C17orf113: variants seen among roughly 807,000 people sequenced by gnomAD.
C17orf113 encodes uncharacterized protein C17orf113.
Under a neutral mutation model 11.6 loss-of-function variants are expected in C17orf113, and 5 were observed. The ratio of observed to expected loss-of-function variants is 0.43; its 90% confidence interval spans 0.23 to 0.91. C17orf113 has a LOEUF of 0.91. Ranked by LOEUF, C17orf113 falls within the 40% of genes least tolerant of loss-of-function variation. The pLI is 0.26. For missense variants in C17orf113, 714 were observed against 841.3 expected (o/e 0.85, Z 1.87); for synonymous variants, 327 against 390.6 (o/e 0.84, Z 1.92).
Position 42,040,638 on chromosome 17 carries a change from G to A in C17orf113, c.1095C>T (p.Ala365=), listed in dbSNP as rs1296713738. 31 of 1,232,218 alleles carry A rather than the reference G, an allele frequency of 2.5e-5. No homozygotes were observed. The African/African-American group carries it at 3.3e-4, about 13-fold the overall frequency. The allele number at this position is 1,232,218 out of a possible 1,614,324, so 76.3% of individuals were successfully genotyped here. A position where few individuals can be genotyped will look rare whatever the true frequency, so the allele number is the denominator to read the frequency against. ...ASLLPVVEAV[A]EAWPGLVPTL... ...TGGGCACCAGGCCAGGCCAGGCCTCGGCCACTGCTTCCACTACAGGCAGCA... is the reference window on the plus strand; with the variant it reads ...TGGGCACCAGGCCAGGCCAGGCCTCAGCCACTGCTTCCACTACAGGCAGCA... Residue 365 remains alanine, a synonymous_variant, in exon 3 of 3, where the codon GCC becomes GCT. Coordinates refer to ENST00000587304, the MANE Select transcript of C17orf113 (RefSeq NM_001358661.2).
In C17orf113 at chr17:42,043,423, T is replaced by G; in HGVS notation, c.-47A>C. 2 of 1,228,082 alleles carry G rather than the reference T, an allele frequency of 1.6e-6. No individual in the cohort carries two copies. The highest frequency in any genetic ancestry group is 2.0e-6 in the Non-Finnish European group (2 of 984,730). 76.1% of individuals were successfully genotyped at this position (1,228,082 alleles called of 1,614,324 possible). Reference sequence around the variant, plus strand: ...CCCCCAACCCCCACCTGAATGCTCTTGCCCCCCTGCCTCCCCCACACACAG... The same window carrying G: ...CCCCCAACCCCCACCTGAATGCTCTGGCCCCCCTGCCTCCCCCACACACAG... On this transcript the variant is annotated 5_prime_UTR_variant, in exon 2 of 3. Transcript: ENST00000587304.
intron 1 of C17orf113, among the ~76,000 whole-genome samples, chr17:42,044,082 G>T (rs2053089985): frequency 6.8e-6 from 1 of 147,400 alleles, no homozygotes; most frequent in South Asian, 2.1e-4. Context: ...TTGGGAGGTG[G>T]CTCACTTAAG....
At chr17:42,044,010 A>G (rs1555656368) in intron 1 of C17orf113, among the ~76,000 whole-genome samples, 1 of 151,854 alleles carries the variant, frequency 6.6e-6, no homozygotes, top group African/African-American at 2.4e-5. Flanking sequence ...GCCCACAGTC[A>G]TCTATTTCAT....
chr17:42,041,444 C>T (rs2053019036), intron 2 of C17orf113, among the ~76,000 whole-genome samples: 1 of 152,208 alleles, frequency 6.6e-6, no homozygotes, highest in Admixed American at 6.5e-5. Context: ...CCCACCACAC[C>T]CGGTCTAGTT....
chr17:42,047,270 G>A (rs147776326), intron 1 of C17orf113, among the ~76,000 whole-genome samples: 1,835 of 152,228 alleles, frequency 0.012, 13 homozygotes, highest in Non-Finnish European at 0.02. Context: ...CTGACCTCGT[G>A]ATCCGCCCGC....
intron 1 of C17orf113, among the ~76,000 whole-genome samples, chr17:42,043,974 A>G (rs1555656366): frequency 6.6e-6 from 1 of 151,900 alleles, no homozygotes; most frequent in African/African-American, 2.4e-5. Flanking sequence ...CTCAACTCCT[A>G]GCCCAAAAGA....
In C17orf113 at chr17:42,038,645, T is replaced by A. The variant is rs183423689; in HGVS notation, c.*1060A>T. 2.0e-5 allele frequency: 3 copies of A among 152,560 alleles called. No homozygotes were observed. 9.5% of individuals were successfully genotyped at this position (152,560 alleles called of 1,614,324 possible). A position where few individuals can be genotyped will look rare whatever the true frequency, so the allele number is the denominator to read the frequency against. ...AAAATCCAGCCCATCTGGGGCTTTTTTCGACCCTGTCATTGCAAAACCAAA... is the reference window on the plus strand; with the variant it reads ...AAAATCCAGCCCATCTGGGGCTTTTATCGACCCTGTCATTGCAAAACCAAA... On this transcript the variant is annotated 3_prime_UTR_variant, in exon 3 of 3. Transcript: ENST00000587304.
At position 42,043,185 on chromosome 17, in the gene C17orf113, G is replaced by C; in HGVS notation, c.192C>G (p.Phe64Leu). The part of the protein sequence containing the change: ...RNKHGKAENA[F>L]TVGTDNFQRH... ...GCTGGAAGTTGTCTGTGCCCACAGT[G>C]AAGGCGTTTTCGGCTTTGCCATGCT... The change falls in exon 2 of 3, where the codon TTC becomes TTG. Residue 64 changes from phenylalanine (F) to leucine (L), a missense_variant. By Grantham distance (22) the Phe-to-Leu change is conservative. Around this residue, in one of 3 missense-constraint regions of C17orf113, gnomAD observed 516 missense variants for 626.6 expected, o/e 0.82. Transcript: ENST00000587304. The C allele has an allele frequency of 8.1e-7, 1 of 1,232,264 alleles. No individual in the cohort carries two copies. 76.3% of individuals were successfully genotyped at this position (1,232,264 alleles called of 1,614,324 possible).
In C17orf113 at chr17:42,041,338, G is replaced by A. The variant is rs140078767; in HGVS notation, c.544-149C>T. The A allele has an allele frequency of 1.4e-3, 890 of 634,312 alleles. 2 individuals are homozygous for A. Among genetic ancestry groups the A allele is most frequent in the African/African-American group, 0.012 (630 of 53,022 alleles). The allele number at this position is 634,312 out of a possible 1,614,324, so 39.3% of individuals were successfully genotyped here. On this transcript the variant is annotated intron_variant, in intron 2 of 2. Coordinates refer to ENST00000587304, the MANE Select transcript of C17orf113 (RefSeq NM_001358661.2). ...ATCCTGGCTTTGCCACTTACTGGCT[G>A]TGCTACCTTCGGCCAGTCACTTCAC... is the stretch of plus-strand genomic sequence containing the variant.
chr17:42,047,722 C>T (rs1034084142), intron 1 of C17orf113, among the ~76,000 whole-genome samples: 2 of 150,216 alleles, frequency 1.3e-5, no homozygotes, highest in African/African-American at 4.9e-5. Flanking sequence ...GGTGTGATCT[C>T]GGCTCACTGC....
chr17:42,040,744 T>G lies in C17orf113; in HGVS notation c.989A>C (p.His330Pro), dbSNP rs1235450327. The change falls in exon 3 of 3, where the codon CAC becomes CCC. Residue 330 changes from histidine to proline, a missense_variant. By Grantham distance (77) the His-to-Pro change is moderately conservative. This residue lies in a region of C17orf113 where 516 missense variants were observed against 626.6 expected (regional missense o/e 0.82). Coordinates refer to ENST00000587304, the MANE Select transcript of C17orf113 (RefSeq NM_001358661.2). Reference protein sequence around the residue: ...LFRLHGGPSSHLVPELRAALD... With the variant: ...LFRLHGGPSSPLVPELRAALD... ...TGCTGCCCGGAGCTCAGGGACCAAGTGGGAACTAGGGCCACCATGGAGGCG... is the reference window on the plus strand; with the variant it reads ...TGCTGCCCGGAGCTCAGGGACCAAGGGGGAACTAGGGCCACCATGGAGGCG... 9.6e-5 allele frequency: 118 copies of G among 1,232,066 alleles called. No homozygotes were observed. Among genetic ancestry groups the G allele is most frequent in the Non-Finnish European group, 1.2e-4 (115 of 988,082 alleles). The allele number at this position is 1,232,066 out of a possible 1,614,324, so 76.3% of individuals were successfully genotyped here.
intron 1 of C17orf113, among the ~76,000 whole-genome samples, chr17:42,049,062 G>A (rs1307630396): frequency 2.0e-5 from 3 of 152,080 alleles, no homozygotes; most frequent in African/African-American, 7.2e-5. Context: ...CTCTCTGGTG[G>A]CCACTTGTGT....
chr17:42,047,739 C>T (rs1227988996), intron 1 of C17orf113, among the ~76,000 whole-genome samples: 2 of 150,092 alleles, frequency 1.3e-5, no homozygotes, highest in African/African-American at 4.9e-5. Flanking sequence ...CTGCAACCTC[C>T]GCCTCCTGGG....
chr17:42,043,983 G>A (rs1021835372), intron 1 of C17orf113, among the ~76,000 whole-genome samples: 8 of 151,954 alleles, frequency 5.3e-5, no homozygotes, highest in African/African-American at 1.7e-4. Context: ...TAGCCCAAAA[G>A]ATGACTGTGC....
At position 42,041,073 on chromosome 17, in the gene C17orf113, CAG is replaced by C. The variant is rs1311261819; in HGVS notation, c.658_659del (p.Leu220ValfsTer9). On this transcript the variant is annotated frameshift_variant, in exon 3 of 3. Coordinates refer to ENST00000587304, the MANE Select transcript of C17orf113 (RefSeq NM_001358661.2). LOFTEE classifies it low-confidence loss of function (END_TRUNC). ...CACAGGGGGACACTGAAGTGGCAAA[CAG>C]GGCCAGGCTGTGTGACTCCGGCCAG... ...RDWPESHSLA[L>X]FATSVSPCDG... 4.1e-6 allele frequency: 5 copies of C among 1,232,192 alleles called. No homozygotes were observed. The highest frequency in any genetic ancestry group is 3.1e-5 in the African/African-American group (2 of 64,436). The allele number at this position is 1,232,192 out of a possible 1,614,324, so 76.3% of individuals were successfully genotyped here.
intron 2 of C17orf113, among the ~76,000 whole-genome samples, chr17:42,041,789 C>T (rs1199698167): frequency 6.6e-6 from 1 of 152,126 alleles, no homozygotes; most frequent in Non-Finnish European, 1.5e-5. Flanking sequence ...CAACCCAGCC[C>T]ATAGGACTTA....
rs2053057935 is a variant in C17orf113 at position 42,042,872 on chromosome 17, C to T, written c.505G>A (p.Gly169Ser). 1 of 1,232,180 alleles carries T rather than the reference C, an allele frequency of 8.1e-7. No individual in the cohort carries two copies. The highest frequency in any genetic ancestry group is 1.6e-5 in the African/African-American group (1 of 64,390). The allele number at this position is 1,232,180 out of a possible 1,614,324, so 76.3% of individuals were successfully genotyped here. Residue 169 changes from glycine to serine, a missense_variant, in exon 2 of 3, where the codon GGC (glycine) becomes AGC (serine). Transcript: ENST00000587304. ...LCQALLGTEH[G>S]DYYSPRRVRD... ...ACCCTCCTGGGACTGTAGTAATCGC[C>T]ATGCTCTGTGCCCAGCAGTGCCTGG...
In C17orf113 at chr17:42,040,769, G is replaced by C. The variant is rs1397596736; in HGVS notation, c.964C>G (p.Arg322Gly). 1 of 1,232,228 alleles carries C rather than the reference G, an allele frequency of 8.1e-7. No homozygotes were observed. The highest frequency in any genetic ancestry group is 1.6e-5 in the African/African-American group (1 of 64,430). The allele number at this position is 1,232,228 out of a possible 1,614,324, so 76.3% of individuals were successfully genotyped here. A position where few individuals can be genotyped will look rare whatever the true frequency, so the allele number is the denominator to read the frequency against. Residue 322 changes from arginine to glycine, a missense_variant, in exon 3 of 3, where the codon CGC becomes GGC. Transcript: ENST00000587304. The stretch of plus-strand genomic sequence containing the variant: ...TGGGAACTAGGGCCACCATGGAGGC[G>C]GAATAGGGCATCCAATATGCTCTCA... ...QYESILDALF[R>G]LHGGPSSHLV...
intron 1 of C17orf113, among the ~76,000 whole-genome samples, chr17:42,047,875 G>A (rs60277898): frequency 0.72 from 109,363 of 151,648 alleles, 42,032 homozygotes; most frequent in South Asian, 0.85. Flanking sequence ...GGCTGGTCTC[G>A]AACTCCTGAC....
Sources: gnomAD v4.1 joint callset for allele counts (sites outside exome capture counted in the v4.1 genomes callset) on GRCh38, gnomAD v4.1.1 for gene constraint, gnomAD v4.1.1 regional missense constraint, MANE v1.5 for transcripts, NCBI Gene and HGNC (gene_info 2026-07-23, HGNC 2026-07-21) for gene names.